The following SALL2 variants were observed in gnomAD, a reference collection of about 807,000 sequenced individuals.
SALL2 encodes the protein sal-like protein 2.
A neutral mutation model predicts 58.5 loss-of-function variants in SALL2; 32 were observed. The observed-to-expected ratio is 0.55, with a 90% CI of 0.41 to 0.74. SALL2 has a LOEUF of 0.74. SALL2 is among the 30% of genes least tolerant of loss of function. The probability of loss-of-function intolerance (pLI) is 0.00; values close to 1 mark genes in which losing one functional copy is unlikely to be tolerated. For synonymous variants in SALL2, 516 were observed against 513.6 expected (o/e 1.00, Z -0.06); for missense variants, 1,201 against 1,268.9 (o/e 0.95, Z 0.81).
chr14:21,524,711 A>G lies in SALL2; in HGVS notation c.1011T>C (p.Leu337=), dbSNP rs760656549. 1.2e-6 allele frequency: 2 copies of G among 1,613,730 alleles called. No homozygotes were observed. Among genetic ancestry groups the G allele is most frequent in the Admixed American group, 3.3e-5 (2 of 59,994 alleles). Residue 337 remains leucine, a synonymous_variant, in exon 2 of 2, where the codon CTT becomes CTC. Transcript: ENST00000537235. Reference sequence around the variant, plus strand: ...GGAGCCCTGGGGAGGCAGTGGCCTCAAGGCCTCGGGCTGCCCCAAGACACT... The same window carrying G: ...GGAGCCCTGGGGAGGCAGTGGCCTCGAGGCCTCGGGCTGCCCCAAGACACT... The part of the protein sequence containing the change: ...AAQCLGAARG[L]EATASPGLLK...
Position 21,525,360 on chromosome 14 carries a change from C to T in SALL2, c.362G>A (p.Gly121Glu). ...GPERRGEESS[G>E]HFLVAATGTA... ...ACCTGTGGCAGCGACCAGGAAATGC[C>T]CTGAAGACTCCTCTCCTCTCCTCTC... is the stretch of plus-strand genomic sequence containing the variant. The change falls in exon 2 of 2, where the codon GGG (glycine) becomes GAG (glutamate). Residue 121 changes from glycine to glutamate, a missense_variant. Coordinates refer to ENST00000537235, the MANE Select transcript of SALL2 (RefSeq NM_001364564.1). This position sits in a 1 kb window ranked among gnomAD's most constrained non-coding sequence, Gnocchi z 4.4. 2 of 1,614,022 alleles carry T rather than the reference C, an allele frequency of 1.2e-6. No homozygotes were observed. The highest frequency in any genetic ancestry group is 1.3e-5 in the African/African-American group (1 of 75,016).
upstream of SALL2, among the ~76,000 whole-genome samples, chr14:21,530,288 T>C (rs1242760756): frequency 3.1e-4 from 42 of 135,724 alleles, no homozygotes; most frequent in Non-Finnish European, 5.5e-4. Flanking sequence ...TTTCTTTTTT[T>C]TTTTTTTTTT....
upstream of SALL2, among the ~76,000 whole-genome samples, chr14:21,528,963 A>G (rs886985582): frequency 6.6e-6 from 1 of 152,186 alleles, no homozygotes; most frequent in Non-Finnish European, 1.5e-5. Context: ...TTTTCTTTTC[A>G]TCTTCTCCTG....
chr14:21,532,876 T>C (rs946749995), intron 1 of SALL2, among the ~76,000 whole-genome samples: 7 of 151,474 alleles, frequency 4.6e-5, no homozygotes, highest in African/African-American at 1.7e-4. Flanking sequence ...GGCAGGAGAA[T>C]GGTGTGAACC....
chr14:21,523,722 G>A lies in SALL2; in HGVS notation c.2000C>T (p.Ser667Phe). The A allele has an allele frequency of 1.2e-6, 2 of 1,614,222 alleles. No individual in the cohort carries two copies. ...ATGTGCACGCAGATTACCCCTGGTGGAGAAGGCTCTGCCACACACTTTGCA... is the reference window on the plus strand; with the variant it reads ...ATGTGCACGCAGATTACCCCTGGTGAAGAAGGCTCTGCCACACACTTTGCA... ...FKCKVCGRAF[S>F]TRGNLRAHFV... Residue 667 changes from serine to phenylalanine, a missense_variant, in exon 2 of 2, where the codon TCC becomes TTC. Around this residue, in one of 3 missense-constraint regions of SALL2, gnomAD observed 675 missense variants for 683.8 expected, o/e 0.99. Transcript: ENST00000537235. This position sits in a 1 kb window ranked among gnomAD's most constrained non-coding sequence, Gnocchi z 4.4.
At chr14:21,536,807 A>G in intron 1 of SALL2, 1 of 1,567,188 alleles carries the variant, frequency 6.4e-7, no homozygotes, top group Non-Finnish European at 8.8e-7. Flanking sequence ...TGACCCACAC[A>G]GGCTTGGACT....
intron 1 of SALL2, among the ~76,000 whole-genome samples, chr14:21,536,049 T>G (rs1394343625): frequency 6.6e-6 from 1 of 152,186 alleles, no homozygotes; most frequent in Non-Finnish European, 1.5e-5. Context: ...AATTTCACTC[T>G]TCAATTCCCT....
intron 1 of SALL2, chr14:21,536,934 A>G (rs759243482): frequency 1.1e-5 from 17 of 1,612,816 alleles, no homozygotes; most frequent in Non-Finnish European, 2.5e-6. Context: ...CCGGGTAGAG[A>G]GTTGGGAGAG....
rs1349238620 is a variant in SALL2, at chr14:21,522,123, C to T, written c.*581G>A. On this transcript the variant is annotated 3_prime_UTR_variant, in exon 2 of 2. Transcript: ENST00000537235. Reference sequence around the variant, plus strand: ...GGATCCCATTGTTGGAGGCACCTTCCCAGCCACAGTTCCTAGGCCAAACAG... The same window carrying T: ...GGATCCCATTGTTGGAGGCACCTTCTCAGCCACAGTTCCTAGGCCAAACAG... The T allele has an allele frequency of 6.3e-7, 1 of 1,597,968 alleles. No individual in the cohort carries two copies. The highest frequency in any genetic ancestry group is 8.5e-7 in the Non-Finnish European group (1 of 1,179,680).
In SALL2 at chr14:21,525,022, T is replaced by C. The variant is rs770333517; in HGVS notation, c.700A>G (p.Lys234Glu). The C allele has an allele frequency of 3.7e-6, 6 of 1,613,770 alleles. No homozygotes were observed. The Admixed American group carries it at 8.3e-5, about 22-fold the overall frequency. The change falls in exon 2 of 2, where the codon AAG (lysine) becomes GAG (glutamate). Residue 234 changes from lysine to glutamate, a missense_variant. This residue lies in a region of SALL2 where 467 missense variants were observed against 468.9 expected (regional missense o/e 1.00). Transcript: ENST00000537235. This position sits in a 1 kb window ranked among gnomAD's most constrained non-coding sequence, Gnocchi z 4.4. The stretch of plus-strand genomic sequence containing the variant: ...GGGCTGAAGAGGGGTAGTAGGGGCT[T>C]GGTGGAAGAGGCAGTCCCTGTCCCA... Reference protein sequence around the residue: ...LPGTGTASSTKPLLPLFSPIK... With the variant: ...LPGTGTASSTEPLLPLFSPIK...
chr14:21,526,001 C>CGGGGGGGGGGGGGGGGGGGGGGGGGGGG, intron 1 of SALL2, 60 bp downstream of exon 1: 1 of 1,389,782 alleles, frequency 7.2e-7, no homozygotes, highest in Non-Finnish European at 9.9e-7. Context: ...AAAGTCTTCG[C>CGGGGGGGGGGGGGGGGGGGGGGGGGGGG]CGCCCCTGCG....
At chr14:21,535,450 G>A (rs1892574797) in intron 1 of SALL2, among the ~76,000 whole-genome samples, 1 of 152,098 alleles carries the variant, frequency 6.6e-6, no homozygotes, top group Non-Finnish European at 1.5e-5. Flanking sequence ...GCACTTGCAG[G>A]CAGTGTCACT....
At chr14:21,528,074 G>T (rs2139677820), upstream of SALL2, among the ~76,000 whole-genome samples, 1 of 151,818 alleles carries the variant, frequency 6.6e-6, no homozygotes, top group East Asian at 1.9e-4. Context: ...GGAGGTGGAG[G>T]TTGCAGGGGG....
intron 1 of SALL2, among the ~76,000 whole-genome samples, chr14:21,532,832 G>A (rs1307614642): frequency 2.7e-5 from 4 of 150,932 alleles, no homozygotes; most frequent in Admixed American, 6.6e-5. Flanking sequence ...GTGTGGTGGC[G>A]GGCGCCTGTA....
chr14:21,529,488 TGC>T (rs1892403707), upstream of SALL2, among the ~76,000 whole-genome samples: 1 of 152,172 alleles, frequency 6.6e-6, no homozygotes, highest in African/African-American at 2.4e-5. Context: ...CAAATTTTGC[TGC>T]CCATTAGGAT....
At position 21,525,250 on chromosome 14, in the gene SALL2, G is replaced by T; in HGVS notation, c.472C>A (p.Pro158Thr). The T allele has an allele frequency of 6.2e-7, 1 of 1,612,148 alleles. No homozygotes were observed. Among genetic ancestry groups the T allele is most frequent in the Non-Finnish European group, 8.5e-7 (1 of 1,178,930 alleles). ...GGAGGGGGTGGTGGAGGAGGAGGGG[G>T]TGCAGGGGTCGATTCTGGAGGTAAT... Reference protein sequence around the residue: ...TPLPPESTPAPPPPPPPPPPP... With the variant: ...TPLPPESTPATPPPPPPPPPP... The change falls in exon 2 of 2, where the codon CCC becomes ACC. Residue 158 changes from proline (P) to threonine (T), a missense_variant. Physicochemically the swap from Pro to Thr is conservative, Grantham distance 38 (BLOSUM62 -1). Around this residue, in one of 3 missense-constraint regions of SALL2, gnomAD observed 467 missense variants for 468.9 expected, o/e 1.00. Coordinates refer to ENST00000537235, the MANE Select transcript of SALL2 (RefSeq NM_001364564.1). This position sits in a 1 kb window ranked among gnomAD's most constrained non-coding sequence, Gnocchi z 4.4.
chr14:21,532,375 T>C (rs1892487863), intron 1 of SALL2, among the ~76,000 whole-genome samples: 1 of 152,188 alleles, frequency 6.6e-6, no homozygotes, highest in South Asian at 2.1e-4. Flanking sequence ...GAAAAAGATA[T>C]TGAAACAGCA....
chr14:21,533,326 C>G (rs1480616186), intron 1 of SALL2, among the ~76,000 whole-genome samples: 2 of 152,144 alleles, frequency 1.3e-5, no homozygotes, highest in African/African-American at 2.4e-5. Context: ...AGATGAGGCT[C>G]TTTACTTCCA....
rs1462122491 is a variant in SALL2 at position 21,521,647 on chromosome 14, A to G, written c.*1057T>C. ...AGTCACATAGGTACCAGCAAGCCCT[A>G]TGTTCTAGCAACATTCCTTAACTCT... is the stretch of plus-strand genomic sequence containing the variant. On this transcript the variant is annotated 3_prime_UTR_variant, in exon 2 of 2. Transcript: ENST00000537235. The G allele has an allele frequency of 4.7e-6, 1 of 213,126 alleles. No individual in the cohort carries two copies. The highest frequency in any genetic ancestry group is 2.3e-5 in the African/African-American group (1 of 43,782). The allele number at this position is 213,126 out of a possible 1,614,324, so 13.2% of individuals were successfully genotyped here. A position where few individuals can be genotyped will look rare whatever the true frequency, so the allele number is the denominator to read the frequency against.
Sources: gnomAD v4.1 joint callset for allele counts (sites outside exome capture counted in the v4.1 genomes callset) on GRCh38, gnomAD v4.1.1 for gene constraint, gnomAD v4.1.1 regional missense constraint, Gnocchi (gnomAD v3.1) non-coding constraint, MANE v1.5 for transcripts, NCBI Gene and HGNC (gene_info 2026-07-23, HGNC 2026-07-21) for gene names.